The following ZKSCAN7 variants were observed in gnomAD, a reference collection of about 807,000 sequenced individuals.
ZKSCAN7 encodes the protein zinc finger with KRAB and SCAN domains 7.
A neutral mutation model predicts 65.3 loss-of-function variants in ZKSCAN7; 38 were observed. That is an observed-to-expected ratio of 0.58 (90% CI 0.45 to 0.76). ZKSCAN7 has a LOEUF of 0.76. Ranked by LOEUF, ZKSCAN7 falls within the 30% of genes least tolerant of loss-of-function variation. The pLI, the probability that ZKSCAN7 is intolerant of heterozygous loss-of-function variation, is 0.00. For missense variants in ZKSCAN7, 815 were observed against 913.3 expected, an observed-to-expected ratio of 0.89 and a Z score of 1.39; for synonymous variants, 321 against 321.0, an observed-to-expected ratio of 1.00 and a Z score of 0.00.
rs767975850 is a variant in ZKSCAN7 at position 44,557,378 on chromosome 3, C to A, written c.331C>A (p.Arg111=). ...CCTGAGCATCCTCCCTGGGGAGCTC[C>A]GGACCTGGGTGCAGCTGCATCACCC... The part of the protein sequence containing the change: ...QFLSILPGEL[R]TWVQLHHPES... The change falls in exon 2 of 6, where the codon CGG becomes AGG. Residue 111 remains arginine (R), a synonymous_variant. Transcript: ENST00000426540. 5.0e-6 allele frequency: 8 copies of A among 1,614,224 alleles called. No individual in the cohort carries two copies. The highest frequency in any genetic ancestry group is 6.8e-6 in the Non-Finnish European group (8 of 1,180,044).
downstream of ZKSCAN7, among the ~76,000 whole-genome samples, chr3:44,572,367 TGTGTGTG>T (rs1699830924): frequency 6.6e-6 from 1 of 150,886 alleles, no homozygotes; most frequent in Non-Finnish European, 1.5e-5. Context: ...TGTGTGTGTG[TGTGTGTG>T]TGTGTGTGTG....
intron 5 of ZKSCAN7, among the ~76,000 whole-genome samples, chr3:44,579,280 A>ACGCTCC (rs1291070470): frequency 1.3e-5 from 2 of 152,082 alleles, no homozygotes; most frequent in Non-Finnish European, 2.9e-5. Context: ...GCCTCCGTGC[A>ACGCTCC]CGCTCCCGCT....
intron 5 of ZKSCAN7, among the ~76,000 whole-genome samples, chr3:44,579,487 C>T (rs982642108): frequency 1.3e-5 from 2 of 152,240 alleles, no homozygotes; most frequent in Admixed American, 6.5e-5. Flanking sequence ...CCGGCTCTGC[C>T]TCTTGCTTCT....
intron 2 of ZKSCAN7, among the ~76,000 whole-genome samples, chr3:44,562,979 A>C (rs6772220): frequency 0.24 from 31,341 of 133,026 alleles, 3,508 homozygotes; most frequent in African/African-American, 0.27. Flanking sequence ...CAAAAAACAA[A>C]AAAAAAAAAA....
intron 2 of ZKSCAN7, 166 bp downstream of exon 2, chr3:44,557,636 A>G: frequency 1.2e-6 from 1 of 861,600 alleles, no homozygotes; most frequent in South Asian, 1.8e-5. Context: ...AGCCATAAAC[A>G]CAAGTGCACA....
intron 1 of ZKSCAN7, among the ~76,000 whole-genome samples, chr3:44,556,542 A>G (rs940724223): frequency 9.2e-5 from 14 of 152,280 alleles, no homozygotes; most frequent in African/African-American, 2.9e-4. Flanking sequence ...TGTAATGCAC[A>G]TTATAAAACA....
chr3:44,572,849 CAAAAAA>C (rs11339297), downstream of ZKSCAN7, among the ~76,000 whole-genome samples: 2 of 72,436 alleles, frequency 2.8e-5, no homozygotes, highest in Non-Finnish European at 5.5e-5. Context: ...GACTCTGTCT[CAAAAAA>C]AAAAAAAAAA....
chr3:44,581,035 C>T (rs1440709601), intron 5 of ZKSCAN7: 13 of 1,481,152 alleles, frequency 8.8e-6, no homozygotes, highest in East Asian at 2.6e-5. Context: ...ATGGTCGGCG[C>T]GGCGGCGGCG....
rs769916077 is a variant in ZKSCAN7 at position 44,565,468 on chromosome 3, TG to T, written c.424-18del. On this transcript the variant is annotated intron_variant, in intron 2 of 5. Coordinates refer to ENST00000426540, the MANE Select transcript of ZKSCAN7 (RefSeq NM_001288590.2). ...TCAAGGATGCTCTTTTGAACCCAATTGTATTTCCCTCTCTCTAGGTTTCAGC... is the reference window on the plus strand; with the variant it reads ...TCAAGGATGCTCTTTTGAACCCAATTTATTTCCCTCTCTCTAGGTTTCAGC... 27 of 1,584,976 alleles carry T rather than the reference TG, an allele frequency of 1.7e-5. No individual in the cohort carries two copies. In the East Asian group the frequency reaches 3.4e-4, roughly 20 times the overall value.
At chr3:44,580,823 T>C in intron 5 of ZKSCAN7, 3 of 1,613,228 alleles carry the variant, frequency 1.9e-6, no homozygotes, top group South Asian at 2.2e-5. Context: ...GTCGCTGCCA[T>C]TTCGGAGACC....
rs1699766267 is a variant in ZKSCAN7 at position 44,570,411 on chromosome 3, CAG to C, written c.1302_1303del (p.Glu436LysfsTer4). On this transcript the variant is annotated frameshift_variant, in exon 6 of 6. Transcript: ENST00000426540. LOFTEE classifies it high-confidence loss of function. ...CTCATTGTTCATCTCAGAACCCACA[CAG>C]GGGAAAAACCCTATGAATGCAGTGA... is the stretch of plus-strand genomic sequence containing the variant. 13 of 1,613,868 alleles carry C rather than the reference CAG, an allele frequency of 8.1e-6. No individual in the cohort carries two copies. The highest frequency in any genetic ancestry group is 1.7e-5 in the Admixed American group (1 of 59,992).
In ZKSCAN7 at chr3:44,557,290, G is replaced by A; in HGVS notation, c.243G>A (p.Trp81Ter). 6.2e-7 allele frequency: 1 copy of A among 1,614,288 alleles called. No individual in the cohort carries two copies. ...ALSRLRELCR[W>*]WLMPEVHTKE... Reference sequence around the variant, plus strand: ...GCCGGCTTCGGGAGCTCTGCCGCTGGTGGCTCATGCCAGAGGTGCACACCA... The same window carrying A: ...GCCGGCTTCGGGAGCTCTGCCGCTGATGGCTCATGCCAGAGGTGCACACCA... The change falls in exon 2 of 6, where the codon TGG (tryptophan) becomes TGA (stop). Residue 81 changes from tryptophan (W) to a stop codon, truncating the protein, a stop_gained. Coordinates refer to ENST00000426540, the MANE Select transcript of ZKSCAN7 (RefSeq NM_001288590.2). LOFTEE classifies it high-confidence loss of function.
chr3:44,558,782 A>ATTTTTTTTTTTTT (rs35709621), intron 2 of ZKSCAN7, among the ~76,000 whole-genome samples: 3 of 92,710 alleles, frequency 3.2e-5, no homozygotes, highest in African/African-American at 8.4e-5. Flanking sequence ...TTTCTTCTTC[A>ATTTTTTTTTTTTT]TTTTTTTTTT....
rs1429969250 is a variant in ZKSCAN7 at position 44,570,685 on chromosome 3, C to T, written c.1575C>T (p.Cys525=). Reference sequence around the variant, plus strand: ...ACACTGGTAAGAAACCTTACAAATGCAATGAGTGTGGGAGAGCATTCTGTT... The same window carrying T: ...ACACTGGTAAGAAACCTTACAAATGTAATGAGTGTGGGAGAGCATTCTGTT... ...VLHTGKKPYK[C]NECGRAFCSN... The change falls in exon 6 of 6, where the codon TGC becomes TGT. Residue 525 remains cysteine, a synonymous_variant. Coordinates refer to ENST00000426540, the MANE Select transcript of ZKSCAN7 (RefSeq NM_001288590.2). 9 of 1,613,742 alleles carry T rather than the reference C, an allele frequency of 5.6e-6. No homozygotes were observed. Among genetic ancestry groups the T allele is most frequent in the Non-Finnish European group, 7.6e-6 (9 of 1,179,956 alleles).
downstream of ZKSCAN7, among the ~76,000 whole-genome samples, chr3:44,573,590 C>A (rs895620277): frequency 2.6e-5 from 4 of 152,074 alleles, no homozygotes; most frequent in Admixed American, 2.6e-4. Flanking sequence ...TATGTGTTTC[C>A]ATTTTCCTTT....
intron 5 of ZKSCAN7, among the ~76,000 whole-genome samples, chr3:44,581,276 G>A (rs997514005): frequency 2.0e-5 from 3 of 149,314 alleles, no homozygotes; most frequent in Non-Finnish European, 4.5e-5. Flanking sequence ...ACGCGGCCTC[G>A]GGCCCGCTGC....
Position 44,556,960 on chromosome 3 carries a change from C to G in ZKSCAN7, c.-88C>G. 1 of 1,575,208 alleles carries G rather than the reference C, an allele frequency of 6.3e-7. No homozygotes were observed. Among genetic ancestry groups the G allele is most frequent in the Non-Finnish European group, 8.7e-7 (1 of 1,155,286 alleles). ...ACTACCATCACCCCTTTCTCCAACC[C>G]TGAAAAACAGTTCCTGAGACCTGAA... On this transcript the variant is annotated 5_prime_UTR_variant, in exon 2 of 6. Transcript: ENST00000426540.
chr3:44,579,819 G>A (rs1167644067), intron 5 of ZKSCAN7: 7 of 1,612,948 alleles, frequency 4.3e-6, no homozygotes, highest in Non-Finnish European at 5.9e-6. Flanking sequence ...ACAAACCAGT[G>A]TTTCTTCCAC....
intron 5 of ZKSCAN7, chr3:44,580,275 C>G (rs199903785): frequency 6.2e-7 from 1 of 1,613,808 alleles, no homozygotes; most frequent in African/African-American, 1.3e-5. Flanking sequence ...ACAGTCCATG[C>G]GGTCGCTACT....
Sources: allele counts gnomAD v4.1 joint callset (sites outside exome capture counted in the v4.1 genomes callset), GRCh38; gene constraint gnomAD v4.1.1; transcripts MANE v1.5; gene names NCBI Gene and HGNC (gene_info 2026-07-23, HGNC 2026-07-21).